The following FRYL variants were observed in gnomAD, a reference collection of about 807,000 sequenced individuals.
FRYL encodes FRY like transcription coactivator.
FRYL carries 150 observed loss-of-function variants against 351.2 expected under a neutral mutation model. The observed-to-expected ratio is 0.43, with a 90% CI of 0.37 to 0.49. FRYL has a LOEUF of 0.49. Ranked by LOEUF, FRYL falls within the 20% of genes least tolerant of loss-of-function variation. The pLI, the probability that FRYL is intolerant of heterozygous loss-of-function variation, is 0.00. For synonymous variants in FRYL, 1,153 were observed against 1,257.1 expected, an observed-to-expected ratio of 0.92 and a Z score of 1.75; for missense variants, 3,036 against 3,619.3, an observed-to-expected ratio of 0.84 and a Z score of 4.13.
At chr4:48,529,041 CTG>C (rs1172525434) in intron 50 of FRYL, among the ~76,000 whole-genome samples, 1 of 152,200 alleles carries the variant, frequency 6.6e-6, no homozygotes, top group African/African-American at 2.4e-5. Context: ...TTCCCCCTCT[CTG>C]AACTTCACAC....
chr4:48,527,716 G>T (rs4695385), intron 52 of FRYL, 63 bp from the exon 53 acceptor site: 1 of 1,488,932 alleles, frequency 6.7e-7, no homozygotes, highest in Non-Finnish European at 9.1e-7. Flanking sequence ...TGCGTATGAG[G>T]TATCAGTACC....
rs553193212 is a variant in FRYL, at chr4:48,685,981, T to C, written c.-203-1186A>G. ...TGTTGGCTAGGCTGGTATCCAACTC[T>C]TGACCTCAGGTGATCCTCCTAAAGG... On this transcript the variant is annotated intron_variant, in intron 2 of 63. Transcript: ENST00000358350. Among the ~76,000 whole-genome samples, 5 of 152,238 alleles carry C rather than the reference T, an allele frequency of 3.3e-5. No individual in the cohort carries two copies. The East Asian group carries it at 9.7e-4, about 29-fold the overall frequency.
intron 3 of FRYL, among the ~76,000 whole-genome samples, chr4:48,684,155 A>T (rs1193996365): frequency 6.6e-6 from 1 of 152,224 alleles, no homozygotes; most frequent in Non-Finnish European, 1.5e-5. Flanking sequence ...GATTTCCTTC[A>T]TTCAACAAAT....
chr4:48,637,641 C>CT (rs1191369706), intron 3 of FRYL: 2 of 152,010 alleles, frequency 1.3e-5, no homozygotes, highest in African/African-American at 2.4e-5. Context: ...CTACTAAACT[C>CT]TAACTGCTAA....
intron 48 of FRYL, 147 bp from the exon 49 acceptor site, chr4:48,534,832 G>T: frequency 1.8e-6 from 1 of 542,968 alleles, no homozygotes; most frequent in Non-Finnish European, 3.2e-6. Context: ...CTAATAAAGT[G>T]AAAGGCAGAG....
intron 42 of FRYL, among the ~76,000 whole-genome samples, chr4:48,545,390 GCCC>G (rs1434994376): frequency 2.0e-5 from 3 of 152,072 alleles, no homozygotes; most frequent in Non-Finnish European, 2.9e-5. Context: ...GGCCCAAAGT[GCCC>G]TGAGAACCTG....
intron 3 of FRYL, among the ~76,000 whole-genome samples, chr4:48,635,536 G>A (rs1047490142): frequency 1.3e-5 from 2 of 152,156 alleles, no homozygotes; most frequent in African/African-American, 2.4e-5. Context: ...GAGATGACAC[G>A]GTGCTGGCAA....
In FRYL at chr4:48,576,069, C is replaced by T; in HGVS notation, c.2682G>A (p.Leu894=). Residue 894 remains leucine (L), a synonymous_variant, in exon 24 of 64, where the codon CTG becomes CTA. Transcript: ENST00000358350. ...TATAGCCGCTATCTGGGGTAGACGC[C>T]AGCGTCTCAGGAGGAGAACATCTCA... ...GSVRCSPPET[L]ASTPDSGYSI... 2 of 1,613,026 alleles carry T rather than the reference C, an allele frequency of 1.2e-6. No homozygotes were observed. Among genetic ancestry groups the T allele is most frequent in the Non-Finnish European group, 1.7e-6 (2 of 1,179,602 alleles).
In FRYL at chr4:48,523,101, C is replaced by G; in HGVS notation, c.7321G>C (p.Glu2441Gln). ...CCCCAGTTGAAATTGTCCATACTTTCACCCTGGAAAAGCAAGACACGATTT... is the reference window on the plus strand; with the variant it reads ...CCCCAGTTGAAATTGTCCATACTTTGACCCTGGAAAAGCAAGACACGATTT... ...LDVELEDAEGESMDNFNWGVR... is the reference protein window; with the variant it reads ...LDVELEDAEGQSMDNFNWGVR... Residue 2441 changes from glutamate to glutamine, a missense_variant, in exon 54 of 64, where the codon GAA (glutamate) becomes CAA (glutamine). Transcript: ENST00000358350. 6.2e-7 allele frequency: 1 copy of G among 1,611,800 alleles called. No individual in the cohort carries two copies. The highest frequency in any genetic ancestry group is 8.5e-7 in the Non-Finnish European group (1 of 1,178,742).
intron 1 of FRYL, among the ~76,000 whole-genome samples, chr4:48,756,229 T>A (rs564182741): frequency 1.4e-5 from 2 of 146,686 alleles, no homozygotes; most frequent in East Asian, 4.0e-4. Flanking sequence ...CAAGACTTTG[T>A]CTCAAAAAAA....
chr4:48,550,764 T>C, intron 37 of FRYL, 60 bp from the exon 38 acceptor site: 2 of 1,194,226 alleles, frequency 1.7e-6, no homozygotes, highest in East Asian at 4.7e-5. Flanking sequence ...TTATACTTTA[T>C]GTTTCACTTT....
chr4:48,601,127 G>A (rs1338814837), intron 13 of FRYL, among the ~76,000 whole-genome samples: 6 of 151,992 alleles, frequency 3.9e-5, no homozygotes, highest in East Asian at 1.9e-4. Context: ...ATAGCACAAC[G>A]AGCTGCATAC....
Position 48,499,788 on chromosome 4 carries a change from ATC to A in FRYL, c.8784-110_8784-109del, listed in dbSNP as rs1719142102. The A allele has an allele frequency of 2.8e-6, 3 of 1,068,778 alleles. No individual in the cohort carries two copies. The African/African-American group carries it at 4.7e-5, about 17-fold the overall frequency. The allele number at this position is 1,068,778 out of a possible 1,614,324, so 66.2% of individuals were successfully genotyped here. ...ACAACATTTCCTTGTGAATAACATG[ATC>A]TGTTTTAATATTTGAGCAAATATTA... On this transcript the variant is annotated intron_variant, in intron 63 of 63. Transcript: ENST00000358350.
intron 31 of FRYL, among the ~76,000 whole-genome samples, chr4:48,563,608 G>A (rs1736027040): frequency 1.3e-5 from 2 of 152,036 alleles, no homozygotes; most frequent in African/African-American, 4.8e-5. Flanking sequence ...TACTCGGGAG[G>A]TTGAGGTGGG....
chr4:48,544,128 C>T (rs536444723), intron 43 of FRYL, 131 bp from the exon 44 acceptor site: 2 of 719,140 alleles, frequency 2.8e-6, no homozygotes, highest in Middle Eastern at 2.9e-4. Flanking sequence ...TAAGTCAATG[C>T]TTTTTCTTTG....
In FRYL at chr4:48,647,395, C is replaced by T. The variant is rs866142385; in HGVS notation, c.-80-12905G>A. Among the ~76,000 whole-genome samples, 13 of 152,278 alleles carry T rather than the reference C, an allele frequency of 8.5e-5. No individual in the cohort carries two copies. In the Middle Eastern group the frequency reaches 0.014, roughly 159 times the overall value. On this transcript the variant is annotated intron_variant, in intron 3 of 63. Transcript: ENST00000358350. ...CACAGATATTATTCTGGCCTGTTTG[C>T]GTATTCTCAGTCACCTGGCCCATTT...
chr4:48,689,158 A>G (rs1317306000), intron 2 of FRYL, among the ~76,000 whole-genome samples: 1 of 152,204 alleles, frequency 6.6e-6, no homozygotes, highest in African/African-American at 2.4e-5. Context: ...GAATTTGTCA[A>G]CATTTTATTG....
chr4:48,548,399 T>C lies in FRYL; in HGVS notation c.4888+291A>G, dbSNP rs58018957. On this transcript the variant is annotated intron_variant, in intron 40 of 63. Transcript: ENST00000358350. Reference sequence around the variant, plus strand: ...TCCCAGAGTTAAGTTAATTTGACTCTTGCCACAGCCACAGAATTTTTCCTT... The same window carrying C: ...TCCCAGAGTTAAGTTAATTTGACTCCTGCCACAGCCACAGAATTTTTCCTT... Among the ~76,000 whole-genome samples, 471 of 152,294 alleles carry C rather than the reference T, an allele frequency of 3.1e-3. 1 individual carries two copies. The highest frequency in any genetic ancestry group is 0.011 in the African/African-American group (449 of 41,564).
At chr4:48,641,051 T>C (rs1288311505) in intron 3 of FRYL, among the ~76,000 whole-genome samples, 1 of 152,144 alleles carries the variant, frequency 6.6e-6, no homozygotes, top group Non-Finnish European at 1.5e-5. Flanking sequence ...AAAATCAGTA[T>C]TGGGGAATAA....
Sources: gnomAD v4.1 joint callset for allele counts (sites outside exome capture counted in the v4.1 genomes callset) on GRCh38, gnomAD v4.1.1 for gene constraint, MANE v1.5 for transcripts, NCBI Gene and HGNC (gene_info 2026-07-23, HGNC 2026-07-21) for gene names.